The following PSEN2 variants were observed in gnomAD, a reference collection of about 807,000 sequenced individuals.
PSEN2 encodes presenilin-2.
A neutral mutation model predicts 49.1 loss-of-function variants in PSEN2; 32 were observed. The observed-to-expected ratio is 0.65, with a 90% CI of 0.49 to 0.88. The LOEUF (loss-of-function observed/expected upper bound fraction) is 0.88. Among genes scored for constraint, PSEN2 ranks in the 40% least tolerant of loss-of-function variants. The pLI is 0.00. For missense variants in PSEN2, 522 were observed against 586.9 expected (o/e 0.89, Z 1.14); for synonymous variants, 255 against 244.0 (o/e 1.05, Z -0.42).
chr1:226,874,429 G>A (rs755537036), intron 2 of PSEN2, among the ~76,000 whole-genome samples: 12 of 152,130 alleles, frequency 7.9e-5, no homozygotes, highest in Non-Finnish European at 1.3e-4. Flanking sequence ...TGGCCTTTAC[G>A]GTCCTTGCCA....
At chr1:226,872,672 C>T (rs1022636076) in intron 2 of PSEN2, among the ~76,000 whole-genome samples, 2 of 152,174 alleles carry the variant, frequency 1.3e-5, no homozygotes, top group African/African-American at 2.4e-5. Flanking sequence ...ACATCTCTGG[C>T]GGGTTTTCAG....
intron 11 of PSEN2, 69 bp downstream of exon 11, chr1:226,891,913 C>T: frequency 7.0e-7 from 1 of 1,423,938 alleles, no homozygotes; most frequent in Non-Finnish European, 9.9e-7. Flanking sequence ...GTGGAGGCTC[C>T]CTGCAGCCTG....
intron 3 of PSEN2, among the ~76,000 whole-genome samples, chr1:226,878,380 G>A (rs773169234): frequency 3.0e-4 from 46 of 152,126 alleles, no homozygotes; most frequent in South Asian, 8.3e-4. Flanking sequence ...CTTATTAGTG[G>A]TTGGCAACTG....
Position 226,895,864 on chromosome 1 carries a change from C to G in PSEN2, c.*285C>G. The G allele has an allele frequency of 2.0e-6, 1 of 502,350 alleles. No individual in the cohort carries two copies. The highest frequency in any genetic ancestry group is 3.6e-6 in the Non-Finnish European group (1 of 275,940). The allele number at this position is 502,350 out of a possible 1,614,324, so 31.1% of individuals were successfully genotyped here. On this transcript the variant is annotated 3_prime_UTR_variant, in exon 13 of 13. Coordinates refer to ENST00000366783, the MANE Select transcript of PSEN2 (RefSeq NM_000447.3). ...CAGATTAGGGCGGGGAGAAGAGCAT[C>G]CGGCATGAGGGCTGAGATGCGCAAA...
At chr1:226,898,764 C>T (rs1662228355), downstream of PSEN2, 2 of 152,188 alleles carry the variant, frequency 1.3e-5, no homozygotes, top group South Asian at 2.1e-4. Context: ...CAGGTGCCTG[C>T]CATCACGCCC....
At chr1:226,875,803 C>G (rs1428761260) in intron 3 of PSEN2, among the ~76,000 whole-genome samples, 3 of 152,196 alleles carry the variant, frequency 2.0e-5, no homozygotes, top group African/African-American at 4.8e-5. Context: ...GGGAGATTCT[C>G]TAGGTCAGAC....
chr1:226,888,229 G>T, intron 7 of PSEN2, 71 bp downstream of exon 7: 1 of 1,357,568 alleles, frequency 7.4e-7, no homozygotes, highest in Non-Finnish European at 1.1e-6. Context: ...ATGGGCATGA[G>T]GACCTGGGCG....
At position 226,881,904 on chromosome 1, in the gene PSEN2, G is replaced by A. The variant is rs769574014; in HGVS notation, c.-4G>A. 6.2e-7 allele frequency: 1 copy of A among 1,614,178 alleles called. No homozygotes were observed. The highest frequency in any genetic ancestry group is 8.5e-7 in the Non-Finnish European group (1 of 1,180,042). On this transcript the variant is annotated 5_prime_UTR_variant, in exon 4 of 13. Transcript: ENST00000366783. ...TTTTTCCAGGTGCTTCCAGAGGCAG[G>A]GCTATGCTCACATTCATGGCCTCTG...
intron 3 of PSEN2, among the ~76,000 whole-genome samples, chr1:226,876,794 C>T (rs190183646): frequency 8.3e-4 from 126 of 152,266 alleles, no homozygotes; most frequent in African/African-American, 2.9e-3. Flanking sequence ...ATTTCAGGAT[C>T]GAAAGGTATG....
rs1197505636 is a variant in PSEN2 at position 226,890,016 on chromosome 1, G to A, written c.788-19G>A. The A allele has an allele frequency of 1.3e-6, 2 of 1,598,174 alleles. No individual in the cohort carries two copies. Among genetic ancestry groups the A allele is most frequent in the Non-Finnish European group, 1.7e-6 (2 of 1,165,482 alleles). On this transcript the variant is annotated intron_variant, in intron 8 of 12. Coordinates refer to ENST00000366783, the MANE Select transcript of PSEN2 (RefSeq NM_000447.3). ...GGCTGCCCGGGGATAGTTTGACAAG[G>A]ATGTCTCTGTCTTCCTAGATCTCGT... is the stretch of plus-strand genomic sequence containing the variant.
In PSEN2 at chr1:226,883,838, T is replaced by G; in HGVS notation, c.275T>G (p.Phe92Cys). ...GGAGCGAAGCACGTGATCATGCTGT[T>G]TGTGCCTGTCACTCTGTGCATGATC... ...KYGAKHVIML[F>C]VPVTLCMIVV... Residue 92 changes from phenylalanine to cysteine, a missense_variant, in exon 5 of 13, where the codon TTT becomes TGT. By Grantham distance (205) the Phe-to-Cys change is radical. Coordinates refer to ENST00000366783, the MANE Select transcript of PSEN2 (RefSeq NM_000447.3). 1 of 1,614,116 alleles carries G rather than the reference T, an allele frequency of 6.2e-7. No homozygotes were observed. The highest frequency in any genetic ancestry group is 1.1e-5 in the South Asian group (1 of 91,078).
At chr1:226,886,017 C>T (rs1661342354) in intron 6 of PSEN2, among the ~76,000 whole-genome samples, 1 of 152,100 alleles carries the variant, frequency 6.6e-6, no homozygotes, top group Non-Finnish European at 1.5e-5. Flanking sequence ...AGGTTTGCAC[C>T]ACCATACCTG....
chr1:226,889,296 A>C (rs1185990562), intron 8 of PSEN2, among the ~76,000 whole-genome samples: 1 of 148,940 alleles, frequency 6.7e-6, no homozygotes, highest in African/African-American at 2.5e-5. Flanking sequence ...TTTTTTTTTG[A>C]GATGGAGTCT....
At chr1:226,900,272 G>C (rs912864087), downstream of PSEN2, among the ~76,000 whole-genome samples, 1 of 152,150 alleles carries the variant, frequency 6.6e-6, no homozygotes, top group South Asian at 2.1e-4. Flanking sequence ...GAGACCCTCT[G>C]CCCCCCACCG....
intron 2 of PSEN2, among the ~76,000 whole-genome samples, chr1:226,873,756 C>A (rs558662610): frequency 2.0e-5 from 3 of 152,298 alleles, no homozygotes; most frequent in Non-Finnish European, 1.5e-5. Context: ...CCACACTGTT[C>A]ACATATGCAT....
In PSEN2 at chr1:226,895,418, C is replaced by T. The variant is rs200358385; in HGVS notation, c.1192-6C>T. On this transcript the variant is annotated splice_region_variant and splice_polypyrimidine_tract_variant and intron_variant, in intron 12 of 12. Transcript: ENST00000366783. ...CCACGCTCACCCTCCCCTCCATGTC[C>T]TGCAGGGCTTGTGTCTGACCCTCCT... is the stretch of plus-strand genomic sequence containing the variant. 6.2e-7 allele frequency: 1 copy of T among 1,614,060 alleles called. No individual in the cohort carries two copies. Among genetic ancestry groups the T allele is most frequent in the Non-Finnish European group, 8.5e-7 (1 of 1,179,996 alleles).
At chr1:226,889,104 C>G (rs1015054085) in intron 8 of PSEN2, 55 bp downstream of exon 8, 106 of 1,503,568 alleles carry the variant, frequency 7.0e-5, no homozygotes, top group Non-Finnish European at 9.5e-5. Flanking sequence ...AGGGCCAAAT[C>G]GTCCCCAGTG....
chr1:226,882,097 C>G (rs1260467292), intron 4 of PSEN2, 49 bp downstream of exon 4: 1 of 1,605,710 alleles, frequency 6.2e-7, no homozygotes, highest in Non-Finnish European at 8.5e-7. Flanking sequence ...CCTGCGGCTA[C>G]TGTACCTTAC....
intron 2 of PSEN2, among the ~76,000 whole-genome samples, chr1:226,872,411 G>C (rs1660360970): frequency 6.6e-6 from 1 of 152,252 alleles, no homozygotes; most frequent in Non-Finnish European, 1.5e-5. Flanking sequence ...AGTTCAGGGA[G>C]TTAAGCAGCT....
Sources: gnomAD v4.1 joint callset for allele counts (sites outside exome capture counted in the v4.1 genomes callset) on GRCh38, gnomAD v4.1.1 for gene constraint, MANE v1.5 for transcripts, NCBI Gene and HGNC (gene_info 2026-07-23, HGNC 2026-07-21) for gene names.